CLK4: variants seen among roughly 807,000 people sequenced by gnomAD.
CLK4 encodes the protein CDC like kinase 4.
CLK4 carries 37 observed loss-of-function variants against 64.4 expected under a neutral mutation model. The ratio of observed to expected loss-of-function variants is 0.57; its 90% CI spans 0.44 to 0.76. CLK4 has a LOEUF of 0.76. Among genes scored for constraint, CLK4 ranks in the 30% least tolerant of loss-of-function variants. The pLI is 0.00. For synonymous variants in CLK4, 175 were observed against 191.6 expected (o/e 0.91, Z 0.72); for missense variants, 457 against 605.1 (o/e 0.76, Z 2.57).
At chr5:178,620,498 AT>A in intron 2 of CLK4, 1 of 377,204 alleles carries the variant, frequency 2.7e-6, no homozygotes. Context: ...AGGCTGAGAG[AT>A]TATATAAACA....
chr5:178,612,886 T>C lies in CLK4; in HGVS notation c.831A>G (p.Leu277=), dbSNP rs776517203. 1.3e-5 allele frequency: 19 copies of C among 1,487,508 alleles called. No homozygotes were observed. The highest frequency in any genetic ancestry group is 1.8e-5 in the Non-Finnish European group (19 of 1,074,988). The allele number at this position is 1,487,508 out of a possible 1,614,324, so 92.1% of individuals were successfully genotyped here. ...CTGTATGGGTTAATTTATTATGATGTAAAACTACAAGAGAACAAAAGCACA... is the reference window on the plus strand; with the variant it reads ...CTGTATGGGTTAATTTATTATGATGCAAAACTACAAGAGAACAAAAGCACA... ...AYQICQSINF[L]HHNKLTHTDL... is the part of the protein sequence containing the mutation. Residue 277 remains leucine (L), a synonymous_variant, in exon 8 of 13, where the codon TTA becomes TTG. Coordinates refer to ENST00000316308, the MANE Select transcript of CLK4 (RefSeq NM_020666.3).
In CLK4 at chr5:178,603,721, G is replaced by C. The variant is rs760947984; in HGVS notation, c.1342C>G (p.Leu448Val). 2 of 1,599,792 alleles carry C rather than the reference G, an allele frequency of 1.3e-6. No homozygotes were observed. Among genetic ancestry groups the C allele is most frequent in the Non-Finnish European group, 1.7e-6 (2 of 1,175,942 alleles). Residue 448 changes from leucine to valine, a missense_variant, in exon 13 of 13, where the codon CTG (leucine) becomes GTG (valine). By Grantham distance (32) the Leu-to-Val change is conservative. Coordinates refer to ENST00000316308, the MANE Select transcript of CLK4 (RefSeq NM_020666.3). ...MLCHDEEHEK[L>V]FDLVRRMLEY... Reference sequence around the variant, plus strand: ...AACATTCTTCGAACCAGGTCAAACAGTTTCTCATGTTCTTCATCATGACAA... The same window carrying C: ...AACATTCTTCGAACCAGGTCAAACACTTTCTCATGTTCTTCATCATGACAA...
chr5:178,608,252 C>T, intron 10 of CLK4, 124 bp downstream of exon 10: 1 of 636,886 alleles, frequency 1.6e-6, no homozygotes, highest in South Asian at 2.2e-5. Flanking sequence ...ACCATTTTGC[C>T]TAAGTTTTAA....
At chr5:178,626,544 C>T (rs1764782360) in intron 1 of CLK4, among the ~76,000 whole-genome samples, 1 of 152,250 alleles carries the variant, frequency 6.6e-6, no homozygotes, top group South Asian at 2.1e-4. Flanking sequence ...CTACAAACGG[C>T]CCAGGCCAGG....
Position 178,617,385 on chromosome 5 carries a change from CCCT to C in CLK4, c.431_433del (p.Glu144del). 6.2e-7 allele frequency: 1 copy of C among 1,614,042 alleles called. No individual in the cohort carries two copies. Among genetic ancestry groups the C allele is most frequent in the African/African-American group, 1.3e-5 (1 of 75,046 alleles). Reference sequence around the variant, plus strand: ...GTCTCCACTTTGACAGATCAGGTGACCCTCCTCATCATCCTCTATACTCCTGGA... The same window carrying C: ...GTCTCCACTTTGACAGATCAGGTGACCCTCATCATCCTCTATACTCCTGGA... On this transcript the variant is annotated inframe_deletion, in exon 4 of 13. Coordinates refer to ENST00000316308, the MANE Select transcript of CLK4 (RefSeq NM_020666.3). This position sits in a 1 kb window ranked among gnomAD's most constrained non-coding sequence, Gnocchi z 5.2.
intron 2 of CLK4, chr5:178,621,749 C>T (rs976835225): frequency 2.0e-5 from 3 of 151,992 alleles, no homozygotes; most frequent in Non-Finnish European, 4.4e-5. Context: ...AGTTCACATG[C>T]TTTAACTTAA....
chr5:178,616,056 T>C (rs1161883812), intron 5 of CLK4, among the ~76,000 whole-genome samples: 2 of 152,214 alleles, frequency 1.3e-5, no homozygotes, highest in Admixed American at 6.5e-5. Flanking sequence ...ATTTCAATGA[T>C]TTCCCCCTGT....
intron 8 of CLK4, 95 bp downstream of exon 8, chr5:178,612,701 A>G: frequency 9.4e-7 from 1 of 1,067,794 alleles, no homozygotes; most frequent in East Asian, 2.4e-5. Context: ...AACAGGATAT[A>G]ATAAGGCTCA....
At chr5:178,616,148 G>A (rs941610391) in intron 5 of CLK4, among the ~76,000 whole-genome samples, 1 of 151,920 alleles carries the variant, frequency 6.6e-6, no homozygotes, top group Non-Finnish European at 1.5e-5. Flanking sequence ...GGAGTGCAAT[G>A]GCACAATCTT....
Position 178,612,838 on chromosome 5 carries a change from C to A in CLK4, c.879G>T (p.Leu293Phe), listed in dbSNP as rs1384351465. Reference protein sequence around the residue: ...THTDLKPENILFVKSDYVVKY... With the variant: ...THTDLKPENIFFVKSDYVVKY... Reference sequence around the variant, plus strand: ...TGACTACATAGTCAGACTTCACAAACAAAATATTTTCAGGCTTCAGATCTG... The same window carrying A: ...TGACTACATAGTCAGACTTCACAAAAAAAATATTTTCAGGCTTCAGATCTG... The change falls in exon 8 of 13, where the codon TTG (leucine) becomes TTT (phenylalanine). Residue 293 changes from leucine (L) to phenylalanine (F), a missense_variant. Transcript: ENST00000316308. 6.3e-7 allele frequency: 1 copy of A among 1,579,554 alleles called. No individual in the cohort carries two copies. Among genetic ancestry groups the A allele is most frequent in the Non-Finnish European group, 8.7e-7 (1 of 1,150,670 alleles).
chr5:178,626,698 C>T (rs546424680), intron 1 of CLK4, among the ~76,000 whole-genome samples: 2 of 142,244 alleles, frequency 1.4e-5, no homozygotes, highest in African/African-American at 2.9e-5. Flanking sequence ...AGCAGGGGAC[C>T]GCGAGCCCAC....
intron 5 of CLK4, among the ~76,000 whole-genome samples, chr5:178,615,601 A>C (rs1424163407): frequency 6.6e-6 from 1 of 152,224 alleles, no homozygotes; most frequent in Non-Finnish European, 1.5e-5. Flanking sequence ...TTGTTTATGG[A>C]TGATGGTAGG....
intron 7 of CLK4, among the ~76,000 whole-genome samples, chr5:178,613,147 GCA>G (rs1245062558): frequency 2.0e-5 from 3 of 152,174 alleles, no homozygotes; most frequent in African/African-American, 7.2e-5. Flanking sequence ...TTATTGCTGT[GCA>G]CAGTGGCTCA....
At chr5:178,620,435 G>C (rs1764693584) in intron 2 of CLK4, 1 of 270,172 alleles carries the variant, frequency 3.7e-6, no homozygotes, top group Admixed American at 4.7e-5. Flanking sequence ...TGAACACCAT[G>C]AGGACAAACT....
chr5:178,615,397 T>C (rs964121739), intron 5 of CLK4, among the ~76,000 whole-genome samples: 2 of 152,236 alleles, frequency 1.3e-5, no homozygotes, highest in Non-Finnish European at 2.9e-5. Context: ...ATTTGGAATA[T>C]ATGGGAATTC....
chr5:178,607,510 T>TTG (rs1764484482), intron 10 of CLK4, among the ~76,000 whole-genome samples: 2 of 140,008 alleles, frequency 1.4e-5, no homozygotes, highest in African/African-American at 5.3e-5. Context: ...ACTTTGTCTT[T>TTG]TTTTTTTTTT....
At chr5:178,609,805 A>T (rs1257951349) in intron 9 of CLK4, among the ~76,000 whole-genome samples, 1 of 150,810 alleles carries the variant, frequency 6.6e-6, no homozygotes, top group Non-Finnish European at 1.5e-5. Flanking sequence ...GCTACTCAGG[A>T]GGCTGAGGCA....
intron 10 of CLK4, among the ~76,000 whole-genome samples, 182 bp downstream of exon 10, chr5:178,608,194 A>G (rs1764494521): frequency 6.6e-6 from 1 of 152,258 alleles, no homozygotes; most frequent in Non-Finnish European, 1.5e-5. Flanking sequence ...ATTAACTATG[A>G]TCACTCACTC....
intron 11 of CLK4, chr5:178,604,634 G>A (rs1197624299): frequency 2.6e-5 from 4 of 151,946 alleles, no homozygotes; most frequent in African/African-American, 4.8e-5. Context: ...TTCATGCAAC[G>A]TAGATCCCTC....
Sources: allele counts gnomAD v4.1 joint callset (sites outside exome capture counted in the v4.1 genomes callset), GRCh38; gene constraint gnomAD v4.1.1; non-coding constraint Gnocchi (gnomAD v3.1); transcripts MANE v1.5; gene names NCBI Gene and HGNC (gene_info 2026-07-23, HGNC 2026-07-21).